Variants in VHL observed in about 807,000 individuals in gnomAD.
The protein encoded by VHL is von Hippel-Lindau tumor suppressor.
VHL carries 10 observed loss-of-function variants against 19.2 expected under a neutral mutation model. The ratio of observed to expected loss-of-function variants is 0.52; its 90% CI spans 0.32 to 0.89. The LOEUF (loss-of-function observed/expected upper bound fraction) is 0.89, where lower values mean the gene tolerates loss of function less well. Ranked by LOEUF, VHL falls within the 40% of genes least tolerant of loss-of-function variation. The probability of loss-of-function intolerance (pLI) is 0.03; values close to 1 mark genes in which losing one functional copy is unlikely to be tolerated. For missense variants in VHL, 328 were observed against 292.7 expected (o/e 1.12, Z -0.88); for synonymous variants, 167 against 129.5 (o/e 1.29, Z -1.97).
Position 10,151,176 on chromosome 3 carries a change from C to T in VHL, c.*1211C>T, listed in dbSNP as rs752392412. ...ATTACAGGTGTGTGGGCCACCGTGC[C>T]TGGCTGATTCAGCATTTTTTATCAG... is the stretch of plus-strand genomic sequence containing the variant. On this transcript the variant is annotated 3_prime_UTR_variant, in exon 3 of 3. Coordinates refer to ENST00000256474, the MANE Select transcript of VHL (RefSeq NM_000551.4). 25 of 195,418 alleles carry T rather than the reference C, an allele frequency of 1.3e-4. No individual in the cohort carries two copies. The highest frequency in any genetic ancestry group is 2.4e-4 in the Non-Finnish European group (23 of 94,062). The allele number at this position is 195,418 out of a possible 1,614,324, so 12.1% of individuals were successfully genotyped here.
chr3:10,149,105 T>C (rs574409638), intron 2 of VHL, among the ~76,000 whole-genome samples: 2 of 150,370 alleles, frequency 1.3e-5, no homozygotes, highest in Non-Finnish European at 3.0e-5. Context: ...TTTTTTTTTT[T>C]TCTCTTTTCT....
intron 1 of VHL, among the ~76,000 whole-genome samples, chr3:10,145,662 T>A (rs2125127568): frequency 6.8e-6 from 1 of 145,998 alleles, no homozygotes; most frequent in Middle Eastern, 3.5e-3. Flanking sequence ...GCCGAGATCG[T>A]GCCACTGCAC....
In VHL at chr3:10,152,369, CAAA is replaced by C. The variant is rs564788050; in HGVS notation, c.*2417_*2419del. The stretch of plus-strand genomic sequence containing the variant: ...GTGTGACAGAGCAATACTCTTGTCT[CAAA>C]AAAAAAAAAAAATTCAAATCAGAGT... On this transcript the variant is annotated 3_prime_UTR_variant, in exon 3 of 3. Transcript: ENST00000256474. 7.4e-5 allele frequency: 8 copies of C among 108,132 alleles called. No homozygotes were observed. Among genetic ancestry groups the C allele is most frequent in the East Asian group, 2.4e-4 (1 of 4,216 alleles). The allele number at this position is 108,132 out of a possible 1,614,324, so 6.7% of individuals were successfully genotyped here. A position where few individuals can be genotyped will look rare whatever the true frequency, so the allele number is the denominator to read the frequency against.
chr3:10,146,226 T>A (rs1337693146), intron 1 of VHL, among the ~76,000 whole-genome samples: 2 of 147,048 alleles, frequency 1.4e-5, no homozygotes. Flanking sequence ...CAGGCTGGAG[T>A]GCAGTGGCGC....
chr3:10,141,833 T>TGGATCGCGGAGGGAATGCCCC lies in VHL; in HGVS notation c.-11_10dup. On this transcript the variant is annotated 5_prime_UTR_variant, in exon 1 of 3. The change creates a new upstream start codon in the 5' untranslated region. Coordinates refer to ENST00000256474, the MANE Select transcript of VHL (RefSeq NM_000551.4). ...CCCGCGGCGTCCGGCCCGGGTGGTC[T>TGGATCGCGGAGGGAATGCCCC]GGATCGCGGAGGGAATGCCCCGGAG... 1 of 1,536,532 alleles carries TGGATCGCGGAGGGAATGCCCC rather than the reference T, an allele frequency of 6.5e-7. No individual in the cohort carries two copies. Among genetic ancestry groups the TGGATCGCGGAGGGAATGCCCC allele is most frequent in the Non-Finnish European group, 8.8e-7 (1 of 1,141,340 alleles).
At position 10,148,550 on chromosome 3, in the gene VHL, G is replaced by A. The variant is rs1420335578; in HGVS notation, c.464-1237G>A. 5.9e-5 allele frequency among the ~76,000 whole-genome samples: 9 copies of A among 151,550 alleles called. 1 individual carries two copies. The South Asian group carries it at 1.7e-3, about 28-fold the overall frequency. On this transcript the variant is annotated intron_variant, in intron 2 of 2. Transcript: ENST00000256474. ...GGGATGGTCTCGATCTCCTGACCTC[G>A]TGATCCGCCCGCCTCGGCCTCCCAA...
In VHL at chr3:10,148,704, A is replaced by T. The variant is rs560275979; in HGVS notation, c.464-1083A>T. On this transcript the variant is annotated intron_variant, in intron 2 of 2. Coordinates refer to ENST00000256474, the MANE Select transcript of VHL (RefSeq NM_000551.4). ...CACCTTTTTTTTTTTTTTGAGACAG[A>T]GTCTCACTGTGTCACCCAGGCTGGA... 1.1e-4 allele frequency among the ~76,000 whole-genome samples: 16 copies of T among 142,764 alleles called. No individual in the cohort carries two copies. In the East Asian group the frequency reaches 3.1e-3, roughly 27 times the overall value. 93.7% of individuals were successfully genotyped at this position (142,764 alleles called of 152,430 possible). A position where few individuals can be genotyped will look rare whatever the true frequency, so the allele number is the denominator to read the frequency against.
In VHL at chr3:10,152,068, A is replaced by C. The variant is rs2125132187; in HGVS notation, c.*2103A>C. On this transcript the variant is annotated 3_prime_UTR_variant, in exon 3 of 3. Transcript: ENST00000256474. ...AGAGCAAGACCCTGCCTCAAAAAAAAAAAAAAAAAAAAAATCAGGCCGGGC... is the reference window on the plus strand; with the variant it reads ...AGAGCAAGACCCTGCCTCAAAAAAACAAAAAAAAAAAAAATCAGGCCGGGC... 6.1e-6 allele frequency: 1 copy of C among 162,958 alleles called. No individual in the cohort carries two copies. The highest frequency in any genetic ancestry group is 6.5e-5 in the Admixed American group (1 of 15,280). The allele number at this position is 162,958 out of a possible 1,614,324, so 10.1% of individuals were successfully genotyped here.
At chr3:10,145,756 A>G (rs1261651809) in intron 1 of VHL, among the ~76,000 whole-genome samples, 4 of 152,050 alleles carry the variant, frequency 2.6e-5, no homozygotes, top group Non-Finnish European at 5.9e-5. Context: ...ATTTACATAC[A>G]GTAAAATGCA....
chr3:10,147,148 A>G (rs1292092728), intron 2 of VHL, among the ~76,000 whole-genome samples: 1 of 150,158 alleles, frequency 6.7e-6, no homozygotes, highest in Non-Finnish European at 1.5e-5. Flanking sequence ...AGTAGCTGGG[A>G]CTACAGGCGT....
rs538719970 is a variant in VHL, at chr3:10,152,681, G to A, written c.*2716G>A. On this transcript the variant is annotated 3_prime_UTR_variant, in exon 3 of 3. Coordinates refer to ENST00000256474, the MANE Select transcript of VHL (RefSeq NM_000551.4). Reference sequence around the variant, plus strand: ...CTAATTTTGTGTTTTTAGTGGAGACGGGGTTTCACCATGTTGTCCAGGATG... The same window carrying A: ...CTAATTTTGTGTTTTTAGTGGAGACAGGGTTTCACCATGTTGTCCAGGATG... Among the ~76,000 whole-genome samples, 28 of 150,978 alleles carry A rather than the reference G, an allele frequency of 1.9e-4. No homozygotes were observed. Among genetic ancestry groups the A allele is most frequent in the Middle Eastern group, 6.9e-3 (2 of 288 alleles).
chr3:10,146,864 C>T (rs1438162871), intron 2 of VHL, among the ~76,000 whole-genome samples: 5 of 151,974 alleles, frequency 3.3e-5, no homozygotes, highest in Admixed American at 2.0e-4. Flanking sequence ...AAGAGACAAG[C>T]GAAATTAAAG....
intron 1 of VHL, among the ~76,000 whole-genome samples, chr3:10,143,191 C>T (rs1696170479): frequency 6.6e-6 from 1 of 151,408 alleles, no homozygotes; most frequent in South Asian, 2.1e-4. Flanking sequence ...AATGCAGTGG[C>T]GCGATTGCGG....
chr3:10,150,328 T>C lies in VHL; in HGVS notation c.*363T>C, dbSNP rs1002624853. 16 of 1,267,328 alleles carry C rather than the reference T, an allele frequency of 1.3e-5. No individual in the cohort carries two copies. The South Asian group carries it at 2.2e-4, about 18-fold the overall frequency. 78.5% of individuals were successfully genotyped at this position (1,267,328 alleles called of 1,614,324 possible). ...AGAAGGCATTGGCATCTGCTTTTAA[T>C]GGATGTATAATACATCCATTCTACA... On this transcript the variant is annotated 3_prime_UTR_variant, in exon 3 of 3. Coordinates refer to ENST00000256474, the MANE Select transcript of VHL (RefSeq NM_000551.4).
rs1559430966 is a variant in VHL at position 10,151,609 on chromosome 3, C to T, written c.*1644C>T. On this transcript the variant is annotated 3_prime_UTR_variant, in exon 3 of 3. Transcript: ENST00000256474. ...TTGTACTGTTCATACAGTTTTATACCCTTTTTCATTTAACTTTATAACTTA... is the reference window on the plus strand; with the variant it reads ...TTGTACTGTTCATACAGTTTTATACTCTTTTTCATTTAACTTTATAACTTA... 1.4e-5 allele frequency: 3 copies of T among 222,220 alleles called. No individual in the cohort carries two copies. The highest frequency in any genetic ancestry group is 2.7e-5 in the Non-Finnish European group (3 of 111,356). The allele number at this position is 222,220 out of a possible 1,614,324, so 13.8% of individuals were successfully genotyped here. A position where few individuals can be genotyped will look rare whatever the true frequency, so the allele number is the denominator to read the frequency against.
Position 10,153,465 on chromosome 3 carries a change from G to A in VHL, c.*3500G>A, listed in dbSNP as rs550542366. On this transcript the variant is annotated 3_prime_UTR_variant, in exon 3 of 3. Transcript: ENST00000256474. ...CAAAAAAACAAAAAAAAAACATGCC[G>A]TTTGAGTACTGTGTTTTTGGTGTTG... Among the ~76,000 whole-genome samples, 7 of 151,836 alleles carry A rather than the reference G, an allele frequency of 4.6e-5. No individual in the cohort carries two copies. Among genetic ancestry groups the A allele is most frequent in the Middle Eastern group, 3.2e-3 (1 of 314 alleles).
At chr3:10,142,377 G>C (rs1696148854) in intron 1 of VHL, among the ~76,000 whole-genome samples, 190 bp downstream of exon 1, 1 of 124,464 alleles carries the variant, frequency 8.0e-6, no homozygotes, top group Non-Finnish European at 1.6e-5. Flanking sequence ...ACGGAGTCTC[G>C]CTCTGTCGCC....
At chr3:10,148,315 CTTT>C (rs71307724) in intron 2 of VHL, among the ~76,000 whole-genome samples, 5 of 125,466 alleles carry the variant, frequency 4.0e-5, no homozygotes, top group African/African-American at 6.2e-5. Context: ...ACTAGATTTT[CTTT>C]TTTTTTTTTT....
Position 10,150,639 on chromosome 3 carries a change from A to G in VHL, c.*674A>G, listed in dbSNP as rs1029869106. 8.5e-6 allele frequency: 2 copies of G among 235,224 alleles called. No individual in the cohort carries two copies. 14.6% of individuals were successfully genotyped at this position (235,224 alleles called of 1,614,324 possible). A position where few individuals can be genotyped will look rare whatever the true frequency, so the allele number is the denominator to read the frequency against. On this transcript the variant is annotated 3_prime_UTR_variant, in exon 3 of 3. Coordinates refer to ENST00000256474, the MANE Select transcript of VHL (RefSeq NM_000551.4). ...AGGAAGCATTTTTTATAATTTTCTA[A>G]GTCGTGCACTTTCTCGGTCCACTCT...
Sources: allele counts gnomAD v4.1 joint callset (sites outside exome capture counted in the v4.1 genomes callset), GRCh38; gene constraint gnomAD v4.1.1; transcripts MANE v1.5; gene names NCBI Gene and HGNC (gene_info 2026-07-23, HGNC 2026-07-21).